Variants in MRPS28 observed in about 807,000 individuals in gnomAD.
MRPS28 encodes the protein small ribosomal subunit protein bS1m.
MRPS28 carries 7 observed loss-of-function variants against 10.8 expected under a neutral mutation model. The ratio of observed to expected loss-of-function variants is 0.65; its 90% confidence interval spans 0.37 to 1.22. MRPS28 has a LOEUF of 1.22. Ranked by LOEUF, MRPS28 falls within the 50% of genes most tolerant of loss-of-function variation. MRPS28 has a pLI of 0.02. For missense variants in MRPS28, 265 were observed against 232.9 expected (o/e 1.14, Z -0.90); for synonymous variants, 121 against 93.3 (o/e 1.30, Z -1.71).
At chr8:80,029,286 C>G (rs1467578637) in intron 1 of MRPS28, among the ~76,000 whole-genome samples, 1 of 152,168 alleles carries the variant, frequency 6.6e-6, no homozygotes, top group Non-Finnish European at 1.5e-5. Flanking sequence ...CAGGACACTG[C>G]CAGTCTTGTG....
At chr8:80,012,633 T>C (rs758350282) in intron 1 of MRPS28, among the ~76,000 whole-genome samples, 11 of 152,234 alleles carry the variant, frequency 7.2e-5, no homozygotes, top group Non-Finnish European at 1.3e-4. Flanking sequence ...GAGTTGACTA[T>C]TTCCTTTAAC....
At chr8:79,999,692 G>GT (rs1554573621) in intron 2 of MRPS28, among the ~76,000 whole-genome samples, 2 of 152,126 alleles carry the variant, frequency 1.3e-5, no homozygotes, top group Non-Finnish European at 2.9e-5. Context: ...CTACATAGCC[G>GT]TAAGGGTATG....
At chr8:79,958,171 C>A in intron 2 of MRPS28, 1 of 497,614 alleles carries the variant, frequency 2.0e-6, no homozygotes, top group South Asian at 3.2e-5. Context: ...TCCCCCTCCC[C>A]TATTCTAGAC....
intron 2 of MRPS28, among the ~76,000 whole-genome samples, chr8:79,987,237 A>C (rs1033754832): frequency 2.0e-5 from 3 of 152,092 alleles, no homozygotes; most frequent in Non-Finnish European, 2.9e-5. Context: ...AGAAAGCTGA[A>C]ACTGGATCCC....
At chr8:80,021,920 T>G (rs142932977) in intron 1 of MRPS28, among the ~76,000 whole-genome samples, 1 of 152,154 alleles carries the variant, frequency 6.6e-6, no homozygotes, top group Non-Finnish European at 1.5e-5. Flanking sequence ...AACTAGGAAA[T>G]TGACATTGAC....
intron 2 of MRPS28, among the ~76,000 whole-genome samples, chr8:79,963,041 G>A (rs963930512): frequency 2.0e-5 from 3 of 152,030 alleles, no homozygotes; most frequent in Non-Finnish European, 4.4e-5. Flanking sequence ...GATAAAACCC[G>A]CAGGCAAGCA....
chr8:79,965,896 T>C (rs541479145), intron 2 of MRPS28, among the ~76,000 whole-genome samples: 1 of 152,180 alleles, frequency 6.6e-6, no homozygotes, highest in East Asian at 1.9e-4. Context: ...GCTGATTAAG[T>C]AAAATTTTGT....
intron 2 of MRPS28, among the ~76,000 whole-genome samples, chr8:79,921,232 C>T (rs1466907786): frequency 6.6e-6 from 1 of 152,000 alleles, no homozygotes; most frequent in Non-Finnish European, 1.5e-5. Context: ...GTGATGCCTC[C>T]AGCTTTGTTC....
chr8:79,923,496 A>G (rs113690222), intron 2 of MRPS28, among the ~76,000 whole-genome samples: 41 of 152,310 alleles, frequency 2.7e-4, no homozygotes, highest in African/African-American at 9.9e-4. Flanking sequence ...ATAAATTATC[A>G]TTAAAAACAA....
chr8:79,987,281 T>C (rs918917277), intron 2 of MRPS28, among the ~76,000 whole-genome samples: 4 of 151,892 alleles, frequency 2.6e-5, no homozygotes, highest in Admixed American at 1.3e-4. Flanking sequence ...CAATTCAAGA[T>C]GGATTAAAGA....
At chr8:79,970,442 TA>T (rs777606898) in intron 2 of MRPS28, among the ~76,000 whole-genome samples, 5 of 152,186 alleles carry the variant, frequency 3.3e-5, no homozygotes, top group African/African-American at 7.2e-5. Flanking sequence ...GGATAGTTGG[TA>T]AACTCCTTAC....
chr8:80,001,809 C>A (rs2130157822), intron 2 of MRPS28, among the ~76,000 whole-genome samples: 1 of 152,334 alleles, frequency 6.6e-6, no homozygotes, highest in Non-Finnish European at 1.5e-5. Flanking sequence ...TTCTGGTTAT[C>A]TAAGGGAGAG....
At chr8:79,928,815 G>A (rs1806376630) in intron 2 of MRPS28, among the ~76,000 whole-genome samples, 1 of 151,580 alleles carries the variant, frequency 6.6e-6, no homozygotes, top group Non-Finnish European at 1.5e-5. Flanking sequence ...GGAGCTGAGT[G>A]GGCGGATCAC....
chr8:80,030,002 T>G lies in MRPS28; in HGVS notation c.213+34A>C, dbSNP rs928469283. 4.4e-6 allele frequency: 7 copies of G among 1,602,056 alleles called. No homozygotes were observed. In the East Asian group the frequency reaches 9.0e-5, roughly 21 times the overall value. On this transcript the variant is annotated intron_variant, in intron 1 of 2. Transcript: ENST00000276585. ...CCGCCCACCGCGTCGTTGGCGTAATTCCCGCGACTCCCTCTCACCCGCCCG... is the reference window on the plus strand; with the variant it reads ...CCGCCCACCGCGTCGTTGGCGTAATGCCCGCGACTCCCTCTCACCCGCCCG...
intron 2 of MRPS28, among the ~76,000 whole-genome samples, chr8:79,982,814 G>C (rs1032452273): frequency 4.6e-5 from 7 of 152,198 alleles, no homozygotes; most frequent in Non-Finnish European, 7.3e-5. Context: ...TCCTGCCTTT[G>C]TAGGCTCCAC....
At chr8:79,968,729 A>G (rs1454725974) in intron 2 of MRPS28, among the ~76,000 whole-genome samples, 2 of 152,100 alleles carry the variant, frequency 1.3e-5, no homozygotes, top group Non-Finnish European at 2.9e-5. Flanking sequence ...AAAAAAAAAA[A>G]AAGAATCAGT....
At chr8:79,958,942 A>C (rs1263425615) in intron 2 of MRPS28, among the ~76,000 whole-genome samples, 1 of 152,174 alleles carries the variant, frequency 6.6e-6, no homozygotes, top group African/African-American at 2.4e-5. Context: ...ATGGGGTTAC[A>C]ATCTAGTTTT....
chr8:79,937,249 G>A (rs564291308), intron 2 of MRPS28, among the ~76,000 whole-genome samples: 5 of 152,162 alleles, frequency 3.3e-5, no homozygotes, highest in Non-Finnish European at 7.3e-5. Context: ...AGGAAGTAAA[G>A]CATAACTCAT....
At chr8:79,952,254 T>A (rs1807097906) in intron 2 of MRPS28, among the ~76,000 whole-genome samples, 1 of 152,190 alleles carries the variant, frequency 6.6e-6, no homozygotes, top group Non-Finnish European at 1.5e-5. Context: ...ACAATTTTGT[T>A]CATATCGATT....
Sources: gnomAD v4.1 joint callset for allele counts (sites outside exome capture counted in the v4.1 genomes callset) on GRCh38, gnomAD v4.1.1 for gene constraint, MANE v1.5 for transcripts, NCBI Gene and HGNC (gene_info 2026-07-23, HGNC 2026-07-21) for gene names.